Variants in VCAN observed in about 807,000 individuals in gnomAD.
VCAN encodes versican core protein.
VCAN carries 44 observed loss-of-function variants against 245.5 expected under a neutral mutation model. The observed-to-expected ratio is 0.18, with a 90% CI of 0.14 to 0.23. VCAN has a LOEUF of 0.23. Ranked by LOEUF, VCAN falls within the 10% of genes least tolerant of loss-of-function variation. The probability of loss-of-function intolerance (pLI) is 1.00; values close to 1 mark genes in which losing one functional copy is unlikely to be tolerated. For synonymous variants in VCAN, 1,413 were observed against 1,437.0 expected, an observed-to-expected ratio of 0.98 and a Z score of 0.38; for missense variants, 3,793 against 4,057.9, an observed-to-expected ratio of 0.93 and a Z score of 1.77.
In VCAN at chr5:83,537,739, C is replaced by T. The variant is rs981857280; in HGVS notation, c.4736C>T (p.Ser1579Phe). The T allele has an allele frequency of 6.2e-7, 1 of 1,613,884 alleles. No individual in the cohort carries two copies. The highest frequency in any genetic ancestry group is 1.3e-5 in the African/African-American group (1 of 74,920). Residue 1579 changes from serine to phenylalanine, a missense_variant, in exon 8 of 15, where the codon TCT (serine) becomes TTT (phenylalanine). This residue lies in a region of VCAN where 3,182 missense variants were observed against 3,250.3 expected (regional missense o/e 0.98). Transcript: ENST00000265077. ...GGTGAAGAGGTAGAAAAAAGTACTT[C>T]TGTCACATACACTCCCACTATAGTT... ...TFGEEVEKST[S>F]VTYTPTIVPS...
Position 83,519,829 on chromosome 5 carries a change from T to C in VCAN, c.1523T>C (p.Ile508Thr). 6.2e-7 allele frequency: 1 copy of C among 1,614,130 alleles called. No homozygotes were observed. The highest frequency in any genetic ancestry group is 8.5e-7 in the Non-Finnish European group (1 of 1,179,980). Residue 508 changes from isoleucine (I) to threonine (T), a missense_variant, in exon 7 of 15, where the codon ATT becomes ACT. This residue lies in a region of VCAN where 3,182 missense variants were observed against 3,250.3 expected (regional missense o/e 0.98). Coordinates refer to ENST00000265077, the MANE Select transcript of VCAN (RefSeq NM_004385.5). ...LVTSMEILKH[I>T]PSKEFPVTET... is the part of the protein sequence containing the mutation. ...ACATCTATGGAAATCTTAAAGCACATTCCTTCCAAGGAATTCCCTGTAACT... is the reference window on the plus strand; with the variant it reads ...ACATCTATGGAAATCTTAAAGCACACTCCTTCCAAGGAATTCCCTGTAACT...
chr5:83,554,842 A>G, intron 11 of VCAN, 114 bp from the exon 12 acceptor site: 1 of 973,552 alleles, frequency 1.0e-6, no homozygotes, highest in South Asian at 1.4e-5. Flanking sequence ...ACTAAATAAA[A>G]ATCCAGCCAG....
chr5:83,474,487 C>G (rs937888486), intron 1 of VCAN, among the ~76,000 whole-genome samples: 1 of 152,206 alleles, frequency 6.6e-6, no homozygotes, highest in Non-Finnish European at 1.5e-5. Context: ...TCCAGCCCCG[C>G]CCAAAGGGGC....
chr5:83,546,531 G>A (rs1295635279), intron 9 of VCAN, among the ~76,000 whole-genome samples: 2 of 150,484 alleles, frequency 1.3e-5, no homozygotes, highest in African/African-American at 2.5e-5. Flanking sequence ...CGAGGTGGGC[G>A]AATCGCTTGA....
chr5:83,522,134 TAG>T lies in VCAN; in HGVS notation c.3833_3834del (p.Glu1278ValfsTer43), dbSNP rs1245649573. On this transcript the variant is annotated frameshift_variant, in exon 7 of 15. Coordinates refer to ENST00000265077, the MANE Select transcript of VCAN (RefSeq NM_004385.5). LOFTEE classifies it high-confidence loss of function. ...CCAAGGAAACAGAAACCGATATTGA[TAG>T]AGAGTATTTCACGACTTCAAGTCCT... ...VAKETETDID[R>X]EYFTTSSPPA... 6.2e-7 allele frequency: 1 copy of T among 1,613,588 alleles called. No individual in the cohort carries two copies. Among genetic ancestry groups the T allele is most frequent in the Non-Finnish European group, 8.5e-7 (1 of 1,180,032 alleles).
At chr5:83,476,209 A>G (rs1458540631) in intron 1 of VCAN, among the ~76,000 whole-genome samples, 1 of 152,224 alleles carries the variant, frequency 6.6e-6, no homozygotes, top group Non-Finnish European at 1.5e-5. Context: ...GAGAGCGCAA[A>G]GATCAACTAA....
intron 12 of VCAN, among the ~76,000 whole-genome samples, chr5:83,559,500 C>G (rs1463920091): frequency 1.3e-5 from 2 of 152,120 alleles, no homozygotes. Flanking sequence ...GGTTCTCACT[C>G]CTGGGCGGCT....
At chr5:83,535,602 GT>G (rs1244761346) in intron 7 of VCAN, 4 of 151,982 alleles carry the variant, frequency 2.6e-5, no homozygotes, top group Admixed American at 6.6e-5. Flanking sequence ...CTTCAATAGG[GT>G]TTTTTCTTCT....
Position 83,580,715 on chromosome 5 carries a change from T to A in VCAN, c.*281T>A. Reference sequence around the variant, plus strand: ...GCCTCCAGTGCAGTCCATTTCCTAATGTATACCAGCCTACTGTACTATTTA... The same window carrying A: ...GCCTCCAGTGCAGTCCATTTCCTAAAGTATACCAGCCTACTGTACTATTTA... On this transcript the variant is annotated 3_prime_UTR_variant, in exon 15 of 15. Transcript: ENST00000265077. 2 of 423,936 alleles carry A rather than the reference T, an allele frequency of 4.7e-6. No homozygotes were observed. The highest frequency in any genetic ancestry group is 4.2e-5 in the South Asian group (2 of 47,826). The allele number at this position is 423,936 out of a possible 1,614,324, so 26.3% of individuals were successfully genotyped here.
chr5:83,502,778 A>G (rs779755187), intron 5 of VCAN, among the ~76,000 whole-genome samples: 3 of 152,214 alleles, frequency 2.0e-5, no homozygotes, highest in Non-Finnish European at 4.4e-5. Flanking sequence ...ATTACAGGTT[A>G]ACATTTTTAA....
chr5:83,521,277 C>G lies in VCAN; in HGVS notation c.2971C>G (p.Pro991Ala). 6.2e-7 allele frequency: 1 copy of G among 1,614,068 alleles called. No homozygotes were observed. Among genetic ancestry groups the G allele is most frequent in the Non-Finnish European group, 8.5e-7 (1 of 1,179,934 alleles). Residue 991 changes from proline to alanine, a missense_variant, in exon 7 of 15, where the codon CCA (proline) becomes GCA (alanine). By Grantham distance (27) the Pro-to-Ala change is conservative. This residue lies in a region of VCAN where 3,182 missense variants were observed against 3,250.3 expected (regional missense o/e 0.98). Coordinates refer to ENST00000265077, the MANE Select transcript of VCAN (RefSeq NM_004385.5). ...CTGGGGAGTGTTAGTACCTTCTGTT[C>G]CATCAGAAGATGAAGTTCTAGGTGA... is the stretch of plus-strand genomic sequence containing the variant. ...TDWGVLVPSV[P>A]SEDEVLGEPS... is the part of the protein sequence containing the mutation.
At position 83,547,895 on chromosome 5, in the gene VCAN, C is replaced by CA. The variant is rs70975505; in HGVS notation, c.9380-76_9380-75insA. On this transcript the variant is annotated intron_variant, in intron 9 of 14. Coordinates refer to ENST00000265077, the MANE Select transcript of VCAN (RefSeq NM_004385.5). ...TTTAACTGGCTGTCTTGTATGTTAT[C>CA]TTGCAACCTCACACTAAATGGAATT... The CA allele has an allele frequency of 1.5e-5, 16 of 1,077,294 alleles. No homozygotes were observed. The East Asian group carries it at 3.6e-4, about 24-fold the overall frequency. The allele number at this position is 1,077,294 out of a possible 1,614,324, so 66.7% of individuals were successfully genotyped here. A position where few individuals can be genotyped will look rare whatever the true frequency, so the allele number is the denominator to read the frequency against.
chr5:83,486,490 G>T (rs538756256), intron 2 of VCAN, among the ~76,000 whole-genome samples: 1 of 152,312 alleles, frequency 6.6e-6, no homozygotes, highest in Admixed American at 6.5e-5. Flanking sequence ...AGGTGAAGGT[G>T]AAGGTCACAG....
intron 5 of VCAN, among the ~76,000 whole-genome samples, chr5:83,503,160 T>G (rs1043718392): frequency 2.6e-5 from 4 of 152,168 alleles, no homozygotes; most frequent in African/African-American, 9.7e-5. Context: ...TAATAAGCAT[T>G]AGTTTTTCCT....
chr5:83,542,407 C>A, intron 8 of VCAN, 139 bp downstream of exon 8: 1 of 925,472 alleles, frequency 1.1e-6, no homozygotes, highest in Admixed American at 2.0e-5. Flanking sequence ...CAGGCCAGGC[C>A]ACAGTATTGA....
intron 7 of VCAN, among the ~76,000 whole-genome samples, chr5:83,531,980 CAA>C (rs1245299691): frequency 1.3e-5 from 2 of 152,208 alleles, no homozygotes; most frequent in East Asian, 3.9e-4. Context: ...GAAATCCAAA[CAA>C]AAGTTATATT....
chr5:83,482,812 T>C (rs1025197649), intron 1 of VCAN, among the ~76,000 whole-genome samples: 2 of 152,218 alleles, frequency 1.3e-5, no homozygotes, highest in Admixed American at 6.5e-5. Flanking sequence ...GGTATTTTCT[T>C]TCATTCTTTA....
In VCAN at chr5:83,537,458, T is replaced by C; in HGVS notation, c.4455T>C (p.Thr1485=). 1 of 1,613,970 alleles carries C rather than the reference T, an allele frequency of 6.2e-7. No individual in the cohort carries two copies. The highest frequency in any genetic ancestry group is 1.1e-5 in the South Asian group (1 of 91,088). Residue 1485 remains threonine (T), a synonymous_variant, in exon 8 of 15, where the codon ACT becomes ACC. Coordinates refer to ENST00000265077, the MANE Select transcript of VCAN (RefSeq NM_004385.5). Reference sequence around the variant, plus strand: ...TTGAAGTTACATGGAAGCCTGAGACTTACCCTGAAACATCAGAACATTTTT... The same window carrying C: ...TTGAAGTTACATGGAAGCCTGAGACCTACCCTGAAACATCAGAACATTTTT... The part of the protein sequence containing the change: ...ESLEVTWKPE[T]YPETSEHFSG...
intron 7 of VCAN, chr5:83,536,191 A>T (rs1279968341): frequency 6.6e-6 from 1 of 152,158 alleles, no homozygotes; most frequent in Admixed American, 6.6e-5. Flanking sequence ...ACTTTCTTTG[A>T]GAAGATGTTG....
Sources: allele counts gnomAD v4.1 joint callset (sites outside exome capture counted in the v4.1 genomes callset), GRCh38; gene constraint gnomAD v4.1.1; regional missense constraint gnomAD v4.1.1; transcripts MANE v1.5; gene names NCBI Gene and HGNC (gene_info 2026-07-23, HGNC 2026-07-21).